KLRF1: variants seen among roughly 807,000 people sequenced by gnomAD.
KLRF1 encodes the protein killer cell lectin like receptor F1, also known as killer cell lectin-like receptor subfamily F member 1.
KLRF1 carries 27 observed loss-of-function variants against 30.7 expected under a neutral mutation model. The ratio of observed to expected loss-of-function variants is 0.88; its 90% CI spans 0.65 to 1.21. The LOEUF is 1.21. Ranked by LOEUF, KLRF1 falls within the 50% of genes most tolerant of loss-of-function variation. KLRF1 has a pLI of 0.00. For missense variants in KLRF1, 246 were observed against 259.3 expected (o/e 0.95, Z 0.35); for synonymous variants, 92 against 89.3 (o/e 1.03, Z -0.17).
chr12:9,832,888 G>A (rs1317387305), intron 2 of KLRF1, among the ~76,000 whole-genome samples: 2 of 152,040 alleles, frequency 1.3e-5, no homozygotes, highest in East Asian at 3.9e-4. Flanking sequence ...AAATTTTTAA[G>A]AAAAGAATAG....
intron 5 of KLRF1, among the ~76,000 whole-genome samples, chr12:9,844,055 T>C (rs779849516): frequency 6.6e-6 from 1 of 152,282 alleles, no homozygotes; most frequent in South Asian, 2.1e-4. Flanking sequence ...TGAAGTATTA[T>C]TATCGTTCTT....
the KLRF1 span, among the ~76,000 whole-genome samples, chr12:9,811,288 C>G: frequency 1.1e-5 from 1 of 95,004 alleles, no homozygotes; most frequent in East Asian, 3.4e-4. Flanking sequence ...ACCCCAGGAG[C>G]AGAATTTCTG....
At chr12:9,811,567 A>C in the KLRF1 span, among the ~76,000 whole-genome samples, 1 of 152,170 alleles carries the variant, frequency 6.6e-6, no homozygotes, top group Non-Finnish European at 1.5e-5. Context: ...GCTGAGAGAG[A>C]GGAAAAGTGT....
At chr12:9,832,050 A>G (rs1867440244) in intron 1 of KLRF1, among the ~76,000 whole-genome samples, 1 of 152,178 alleles carries the variant, frequency 6.6e-6, no homozygotes, top group East Asian at 1.9e-4. Flanking sequence ...ATAGAGTAAA[A>G]TTCTTTCTAC....
chr12:9,809,636 A>G, the KLRF1 span, among the ~76,000 whole-genome samples: 1 of 152,124 alleles, frequency 6.6e-6, no homozygotes, highest in Non-Finnish European at 1.5e-5. Flanking sequence ...CCAATTCTTG[A>G]AAGAAGCATC....
At chr12:9,812,191 C>T in the KLRF1 span, among the ~76,000 whole-genome samples, 10,685 of 151,862 alleles carry the variant, frequency 0.07, 496 homozygotes, top group East Asian at 0.22. Flanking sequence ...TGGTGAAACC[C>T]CGTCTCTACT....
chr12:9,828,592 A>T (rs1425756953), intron 1 of KLRF1, among the ~76,000 whole-genome samples: 1 of 152,174 alleles, frequency 6.6e-6, no homozygotes, highest in Admixed American at 6.5e-5. Flanking sequence ...AGTTATAGAG[A>T]CTGTCTGTTC....
chr12:9,811,335 A>AAAAAG, the KLRF1 span, among the ~76,000 whole-genome samples: 28 of 146,428 alleles, frequency 1.9e-4, no homozygotes, highest in African/African-American at 6.5e-4. Flanking sequence ...AAAAAAAAAA[A>AAAAAG]AGAGAGAAAA....
chr12:9,844,614 A>G lies in KLRF1; in HGVS notation c.*88A>G. The G allele has an allele frequency of 2.8e-6, 2 of 708,890 alleles. No individual in the cohort carries two copies. The highest frequency in any genetic ancestry group is 4.8e-6 in the Non-Finnish European group (2 of 413,788). The allele number at this position is 708,890 out of a possible 1,614,324, so 43.9% of individuals were successfully genotyped here. On this transcript the variant is annotated 3_prime_UTR_variant, in exon 6 of 6. Coordinates refer to ENST00000617889, the MANE Select transcript of KLRF1 (RefSeq NM_016523.3). ...TATTAATCTCCAGGTGTAAGATTTT[A>G]AAGTGCAATTAAATGCCAAAATCTC...
chr12:9,825,975 A>T (rs908001135), upstream of KLRF1, among the ~76,000 whole-genome samples: 2 of 152,254 alleles, frequency 1.3e-5, no homozygotes, highest in Non-Finnish European at 2.9e-5. Context: ...AACAAAATTT[A>T]GCAAGTAAAA....
the KLRF1 span, among the ~76,000 whole-genome samples, chr12:9,815,211 C>T: frequency 1.3e-5 from 2 of 152,126 alleles, no homozygotes; most frequent in African/African-American, 4.8e-5. Context: ...AGAAATTGCA[C>T]CTTCAAATTA....
chr12:9,838,608 C>A (rs1389317336), intron 3 of KLRF1, among the ~76,000 whole-genome samples: 2 of 152,078 alleles, frequency 1.3e-5, no homozygotes, highest in Non-Finnish European at 2.9e-5. Flanking sequence ...AGATACCAAC[C>A]AAGGCAAAGA....
chr12:9,812,299 A>C, the KLRF1 span, among the ~76,000 whole-genome samples: 1 of 148,648 alleles, frequency 6.7e-6, no homozygotes, highest in Non-Finnish European at 1.5e-5. Context: ...CGGGAGTCAG[A>C]GCTTGCAGTG....
chr12:9,838,708 G>A (rs371582464), intron 3 of KLRF1, among the ~76,000 whole-genome samples: 3 of 152,280 alleles, frequency 2.0e-5, no homozygotes, highest in East Asian at 1.9e-4. Flanking sequence ...TGTGGCCTAT[G>A]TTTAAAGCCA....
Position 9,841,968 on chromosome 12 carries a change from C to G in KLRF1, c.474+17C>G. 1 of 1,601,422 alleles carries G rather than the reference C, an allele frequency of 6.2e-7. No individual in the cohort carries two copies. The highest frequency in any genetic ancestry group is 2.3e-5 in the East Asian group (1 of 44,424). On this transcript the variant is annotated intron_variant, in intron 4 of 5. Transcript: ENST00000617889. ...CTTGAAATGGTAATTGGTCTAGTAT[C>G]AGGGTTATGGCATCTTTGCAGTAAA...
chr12:9,814,167 G>A, the KLRF1 span, among the ~76,000 whole-genome samples: 1 of 152,118 alleles, frequency 6.6e-6, no homozygotes, highest in African/African-American at 2.4e-5. Flanking sequence ...CGGGGGAATC[G>A]GCAGTGCAGT....
At chr12:9,800,618 T>C in the KLRF1 span, among the ~76,000 whole-genome samples, 1 of 152,034 alleles carries the variant, frequency 6.6e-6, no homozygotes, top group East Asian at 1.9e-4. Context: ...TGACATATGA[T>C]ATTGATCATA....
intron 3 of KLRF1, among the ~76,000 whole-genome samples, chr12:9,840,062 T>A (rs879457048): frequency 6.6e-6 from 1 of 152,084 alleles, no homozygotes; most frequent in Non-Finnish European, 1.5e-5. Flanking sequence ...TTTATGAACC[T>A]TGAAAACATT....
chr12:9,803,646 T>C, the KLRF1 span, among the ~76,000 whole-genome samples: 1 of 152,054 alleles, frequency 6.6e-6, no homozygotes. Flanking sequence ...TTTCTCTTCT[T>C]CTTATTTTTT....
Sources: gnomAD v4.1 joint callset for allele counts (sites outside exome capture counted in the v4.1 genomes callset) on GRCh38, gnomAD v4.1.1 for gene constraint, MANE v1.5 for transcripts, NCBI Gene and HGNC (gene_info 2026-07-23, HGNC 2026-07-21) for gene names.